CIITA: variants seen among roughly 807,000 people sequenced by gnomAD.
CIITA encodes the protein class II major histocompatibility complex transactivator, also known as MHC class II transactivator.
CIITA carries 72 observed loss-of-function variants against 115.1 expected under a neutral mutation model. The observed-to-expected ratio is 0.63, with a 90% confidence interval of 0.52 to 0.76. CIITA has a LOEUF of 0.76. Ranked by LOEUF, CIITA falls within the 30% of genes least tolerant of loss-of-function variation. The pLI is 0.00. For synonymous variants in CIITA, 763 were observed against 635.6 expected, an observed-to-expected ratio of 1.20 and a Z score of -3.02; for missense variants, 1,617 against 1,463.8, an observed-to-expected ratio of 1.10 and a Z score of -1.71.
At chr16:10,915,707 A>G in intron 14 of CIITA, 57 bp downstream of exon 14, 2 of 1,441,242 alleles carry the variant, frequency 1.4e-6, no homozygotes, top group Non-Finnish European at 2.0e-6. Flanking sequence ...TGCTGTGATC[A>G]TAGCTCACTG....
At position 10,934,305 on chromosome 16, in the gene CIITA, T is replaced by A. The variant is rs2040930991; in HGVS notation, c.*10450T>A. The A allele has an allele frequency of 6.6e-6, 1 of 152,220 alleles. No individual in the cohort carries two copies. Among genetic ancestry groups the A allele is most frequent in the Non-Finnish European group, 1.5e-5 (1 of 68,050 alleles). 9.4% of individuals were successfully genotyped at this position (152,220 alleles called of 1,614,324 possible). On this transcript the variant is annotated 3_prime_UTR_variant, in exon 20 of 20. Coordinates refer to ENST00000324288, the MANE Select transcript of CIITA (RefSeq NM_000246.4). The surrounding 1 kb of genome is among the most constrained non-coding windows in gnomAD (Gnocchi z 4.2). ...TAATAAGATCATTTATGTCACCATA[T>A]AACACCCAAAGCAGTAGAATTTGTC... is the stretch of plus-strand genomic sequence containing the variant.
In CIITA at chr16:10,901,293, C is replaced by T. The variant is rs143196795; in HGVS notation, c.437-221C>T. Among the ~76,000 whole-genome samples, 82 of 152,244 alleles carry T rather than the reference C, an allele frequency of 5.4e-4. 2 individuals are homozygous for T. The East Asian group carries it at 0.015, about 28-fold the overall frequency. ...CCATGTTGTGTCCCCATTTGTGACT[C>T]GGCCTCTTCTGCTGCTACACTGCCT... On this transcript the variant is annotated intron_variant, in intron 5 of 19. Transcript: ENST00000324288. The surrounding 1 kb of genome is among the most constrained non-coding windows in gnomAD (Gnocchi z 6.8).
At chr16:10,921,518 T>C (rs1026966855) in intron 16 of CIITA, among the ~76,000 whole-genome samples, 2 of 152,208 alleles carry the variant, frequency 1.3e-5, no homozygotes, top group Non-Finnish European at 2.9e-5. Context: ...ATGTTCTAAA[T>C]GTTATATCAG....
chr16:10,892,442 G>A (rs746092038), intron 1 of CIITA, among the ~76,000 whole-genome samples: 4 of 152,182 alleles, frequency 2.6e-5, no homozygotes, highest in Non-Finnish European at 4.4e-5. Context: ...GGCAGTAGGA[G>A]CCTCCCTCTG....
At chr16:10,900,576 C>G (rs1430134252) in intron 5 of CIITA, among the ~76,000 whole-genome samples, 1 of 151,574 alleles carries the variant, frequency 6.6e-6, no homozygotes, top group Non-Finnish European at 1.5e-5. Context: ...CCCATCTCTA[C>G]TAAAAATACA....
intron 1 of CIITA, among the ~76,000 whole-genome samples, chr16:10,868,679 C>T (rs778306621): frequency 7.9e-5 from 12 of 152,200 alleles, no homozygotes; most frequent in Non-Finnish European, 1.6e-4. Flanking sequence ...TGCAGCCCCT[C>T]CTGCCCCAGC....
rs555538207 is a variant in CIITA, at chr16:10,923,662, G to A, written c.*23-216G>A. Among the ~76,000 whole-genome samples, 4 of 152,116 alleles carry A rather than the reference G, an allele frequency of 2.6e-5. No homozygotes were observed. The highest frequency in any genetic ancestry group is 1.9e-4 in the East Asian group (1 of 5,178). ...GGCTTGGTGGCTGCCCTGATGCTCC[G>A]GGTTTGTCTCAGATGAACTTGCTTG... On this transcript the variant is annotated intron_variant, in intron 19 of 19. Transcript: ENST00000324288. The surrounding 1 kb of genome is among the most constrained non-coding windows in gnomAD (Gnocchi z 5.2).
At chr16:10,900,022 A>C (rs1382288320) in intron 5 of CIITA, among the ~76,000 whole-genome samples, 1 of 152,160 alleles carries the variant, frequency 6.6e-6, no homozygotes, top group Non-Finnish European at 1.5e-5. Flanking sequence ...TGGAGGTTGC[A>C]GTGAGCTAAG....
intron 1 of CIITA, chr16:10,866,362 G>T (rs1413883894): frequency 1.1e-5 from 6 of 568,260 alleles, no homozygotes; most frequent in Non-Finnish European, 1.7e-5. Context: ...CCTGGTGCAG[G>T]CCCTCTTGGA....
In CIITA at chr16:10,903,726, T is replaced by G. The variant is rs778941731; in HGVS notation, c.773-5T>G. On this transcript the variant is annotated splice_region_variant and splice_polypyrimidine_tract_variant and intron_variant, in intron 8 of 19. Transcript: ENST00000324288. The stretch of plus-strand genomic sequence containing the variant: ...TTCTCACACCACTCTCCACCCCCAA[T>G]GTAGGTGAGGTGCCCCAGGCCAGCC... The G allele has an allele frequency of 6.2e-7, 1 of 1,613,962 alleles. No individual in the cohort carries two copies.
rs1219057404 is a variant in CIITA, at chr16:10,920,876, A to AT, written c.3150-1284dup. On this transcript the variant is annotated intron_variant, in intron 16 of 19. Coordinates refer to ENST00000324288, the MANE Select transcript of CIITA (RefSeq NM_000246.4). The surrounding 1 kb of genome is among the most constrained non-coding windows in gnomAD (Gnocchi z 4.5). ...CAGTGTAAACCTGCTGCATTTATTT[A>AT]TTTTTTTCTTTTTTTTTCGAGACAG... Among the ~76,000 whole-genome samples the AT allele has an allele frequency of 1.3e-5, 2 of 151,306 alleles. No individual in the cohort carries two copies.
intron 1 of CIITA, among the ~76,000 whole-genome samples, chr16:10,867,625 G>A (rs565720515): frequency 6.6e-6 from 1 of 152,192 alleles, no homozygotes; most frequent in East Asian, 1.9e-4. Flanking sequence ...TAAGAGCGTT[G>A]GTGGCACACA....
At chr16:10,889,151 G>A (rs558053777) in intron 1 of CIITA, among the ~76,000 whole-genome samples, 2 of 152,310 alleles carry the variant, frequency 1.3e-5, no homozygotes, top group South Asian at 2.1e-4. Flanking sequence ...AGGGAGAGCT[G>A]AAGGGCTCTC....
At chr16:10,881,985 C>T (rs529013090) in intron 1 of CIITA, among the ~76,000 whole-genome samples, 6 of 152,318 alleles carry the variant, frequency 3.9e-5, no homozygotes, top group East Asian at 1.9e-4. Flanking sequence ...TCATCCATGT[C>T]GTGCCATGTG....
Position 10,941,949 on chromosome 16 carries a change from G to A in CIITA, n.1075G>A. 1 of 1,575,672 alleles carries A rather than the reference G, an allele frequency of 6.3e-7. No homozygotes were observed. Among genetic ancestry groups the A allele is most frequent in the Non-Finnish European group, 8.6e-7 (1 of 1,161,754 alleles). On this transcript the variant is annotated non_coding_transcript_exon_variant, in exon 2 of 2. Coordinates refer to the CIITA transcript ENST00000573379. This position sits in a 1 kb window ranked among gnomAD's most constrained non-coding sequence, Gnocchi z 6.4. ...TAGAGGGCAGCAGCGGCGGCGGCAC[G>A]TAGGGGACCAGGGGGCCCAGTGCGT...
chr16:10,882,577 T>C (rs1403890804), intron 1 of CIITA, among the ~76,000 whole-genome samples: 3 of 151,452 alleles, frequency 2.0e-5, no homozygotes, highest in Non-Finnish European at 2.9e-5. Context: ...AAAAAATATA[T>C]AAATTAATAA....
Position 10,907,255 on chromosome 16 carries a change from C to CA in CIITA, c.1764dup (p.Glu589ArgfsTer160). ...CGCTACTTTGAGAGCTCAGGGATGA[C>CA]AGAGCACCAAGACAGAGCCCTGACG... is the stretch of plus-strand genomic sequence containing the variant. On this transcript the variant is annotated frameshift_variant, in exon 11 of 20. Transcript: ENST00000324288. LOFTEE classifies it high-confidence loss of function. This position sits in a 1 kb window ranked among gnomAD's most constrained non-coding sequence, Gnocchi z 5.0. 1 of 1,613,478 alleles carries CA rather than the reference C, an allele frequency of 6.2e-7. No individual in the cohort carries two copies. The highest frequency in any genetic ancestry group is 8.5e-7 in the Non-Finnish European group (1 of 1,179,980).
intron 1 of CIITA, among the ~76,000 whole-genome samples, chr16:10,893,167 C>A (rs1403259576): frequency 6.6e-6 from 1 of 152,118 alleles, no homozygotes; most frequent in Non-Finnish European, 1.5e-5. Context: ...TCCCCTCGAG[C>A]CTCCAGAGGC....
intron 16 of CIITA, among the ~76,000 whole-genome samples, chr16:10,921,774 TG>T (rs889882135): frequency 6.6e-6 from 1 of 152,212 alleles, no homozygotes; most frequent in Non-Finnish European, 1.5e-5. Flanking sequence ...CTCAACTCTC[TG>T]GGTCTTGGTT....
Sources: allele counts gnomAD v4.1 joint callset (sites outside exome capture counted in the v4.1 genomes callset), GRCh38; gene constraint gnomAD v4.1.1; non-coding constraint Gnocchi (gnomAD v3.1); transcripts MANE v1.5; gene names NCBI Gene and HGNC (gene_info 2026-07-23, HGNC 2026-07-21).